THSD7A: variants seen among roughly 807,000 people sequenced by gnomAD.
The protein encoded by THSD7A is thrombospondin type-1 domain-containing protein 7A.
A neutral mutation model predicts 231.3 loss-of-function variants in THSD7A; 96 were observed. That is an observed-to-expected ratio of 0.41 (90% CI 0.35 to 0.49). THSD7A has a LOEUF of 0.49. Among genes scored for constraint, THSD7A ranks in the 20% least tolerant of loss-of-function variants. The pLI is 0.05. For synonymous variants in THSD7A, 940 were observed against 743.3 expected (o/e 1.26, Z -4.30); for missense variants, 2,290 against 2,070.2 (o/e 1.11, Z -2.06).
intron 1 of THSD7A, among the ~76,000 whole-genome samples, chr7:11,782,254 A>G (rs1783655009): frequency 6.6e-6 from 1 of 152,210 alleles, no homozygotes; most frequent in Admixed American, 6.5e-5. Flanking sequence ...CTGATTAAAA[A>G]GTCTGAGGCC....
intron 1 of THSD7A, among the ~76,000 whole-genome samples, chr7:11,787,192 C>G (rs1317941570): frequency 2.0e-5 from 3 of 151,980 alleles, no homozygotes; most frequent in Non-Finnish European, 4.4e-5. Flanking sequence ...CATGTTGGAA[C>G]AACTGGACTT....
intron 1 of THSD7A, among the ~76,000 whole-genome samples, chr7:11,760,581 T>C (rs1212746132): frequency 6.6e-6 from 1 of 152,018 alleles, no homozygotes; most frequent in Admixed American, 6.6e-5. Flanking sequence ...AACACCAGCC[T>C]CACAGGATGC....
rs1782129043 is a variant in THSD7A at position 11,373,225 on chromosome 7, A to G, written c.*2569T>C. On this transcript the variant is annotated 3_prime_UTR_variant, in exon 28 of 28. Coordinates refer to ENST00000423059, the MANE Select transcript of THSD7A (RefSeq NM_015204.3). ...ATCTTTTCTGAATTAATGACATTTT[A>G]CAATACCTTAAATATAGCTTTAGTA... The G allele has an allele frequency of 1.3e-5, 2 of 152,078 alleles. No individual in the cohort carries two copies. The highest frequency in any genetic ancestry group is 2.9e-5 in the Non-Finnish European group (2 of 67,970). 9.4% of individuals were successfully genotyped at this position (152,078 alleles called of 1,614,324 possible).
chr7:11,522,751 GT>G (rs2128316774), intron 6 of THSD7A, among the ~76,000 whole-genome samples: 1 of 152,156 alleles, frequency 6.6e-6, no homozygotes, highest in South Asian at 2.1e-4. Flanking sequence ...TTTCACTTTT[GT>G]TATGGGAAAA....
At chr7:11,566,344 G>C (rs912806799) in intron 4 of THSD7A, among the ~76,000 whole-genome samples, 4 of 152,208 alleles carry the variant, frequency 2.6e-5, no homozygotes, top group Non-Finnish European at 5.9e-5. Context: ...TAAGGAAGCA[G>C]ATTCCTGGGT....
chr7:11,472,048 T>C (rs1249256525), intron 8 of THSD7A, among the ~76,000 whole-genome samples: 1 of 152,136 alleles, frequency 6.6e-6, no homozygotes, highest in African/African-American at 2.4e-5. Flanking sequence ...CACAGCAAGA[T>C]ACTTGGCTGA....
rs943230265 is a variant in THSD7A at position 11,487,142 on chromosome 7, T to C, written c.1823-5160A>G. The stretch of plus-strand genomic sequence containing the variant: ...ACATTTTAAAGTCACCCCTAAACGT[T>C]CCCTTGTTTGGTCTATTTTCATGAA... On this transcript the variant is annotated intron_variant, in intron 6 of 27. Transcript: ENST00000423059. Among the ~76,000 whole-genome samples, 15 of 152,178 alleles carry C rather than the reference T, an allele frequency of 9.9e-5. 1 individual carries two copies. The highest frequency in any genetic ancestry group is 1.3e-4 in the Non-Finnish European group (9 of 68,024).
chr7:11,690,785 T>C (rs1780208458), intron 1 of THSD7A, among the ~76,000 whole-genome samples: 1 of 151,764 alleles, frequency 6.6e-6, no homozygotes, highest in South Asian at 2.1e-4. Flanking sequence ...AAACATTTAT[T>C]TATGCTAATA....
At chr7:11,465,855 A>G (rs1483371899) in intron 9 of THSD7A, among the ~76,000 whole-genome samples, 1 of 152,160 alleles carries the variant, frequency 6.6e-6, no homozygotes, top group African/African-American at 2.4e-5. Flanking sequence ...TTAAAATTAG[A>G]GGTACAAATA....
chr7:11,376,647 T>C lies in THSD7A; in HGVS notation c.4812A>G (p.Leu1604=), dbSNP rs1283722519. ...FLQPFGPDGR[L]KTWVYGVAAG... ...CTGCTACACCGTAAACCCAGGTCTT[T>C]AGTCTCCCATCTAAGAAGAATGGAT... The change falls in exon 27 of 28, where the codon CTA becomes CTG. Residue 1604 remains leucine, a synonymous_variant. Coordinates refer to ENST00000423059, the MANE Select transcript of THSD7A (RefSeq NM_015204.3). 1.3e-6 allele frequency: 2 copies of C among 1,576,442 alleles called. No homozygotes were observed. The highest frequency in any genetic ancestry group is 1.7e-6 in the Non-Finnish European group (2 of 1,160,020).
rs34415355 is a variant in THSD7A at position 11,459,665 on chromosome 7, ATTTTTTTTTTTTTTTTTT to A, written c.2605+979_2605+996del. On this transcript the variant is annotated intron_variant, in intron 11 of 27. Transcript: ENST00000423059. ...AAAAGGAAGATTATAAAAACAGGGG[ATTTTTTTTTTTTTTTTTT>A]TTTTTTTTTTTTTTTTTTACAAAAC... Among the ~76,000 whole-genome samples, 62 of 39,928 alleles carry A rather than the reference ATTTTTTTTTTTTTTTTTT, an allele frequency of 1.6e-3. 2 individuals are homozygous for A. The highest frequency in any genetic ancestry group is 7.5e-3 in the East Asian group (7 of 930). 26.2% of individuals were successfully genotyped at this position (39,928 alleles called of 152,430 possible). A position where few individuals can be genotyped will look rare whatever the true frequency, so the allele number is the denominator to read the frequency against.
At position 11,375,365 on chromosome 7, in the gene THSD7A, T is replaced by G. The variant is rs929173206; in HGVS notation, c.*429A>C. The G allele has an allele frequency of 6.4e-6, 1 of 155,616 alleles. No individual in the cohort carries two copies. The highest frequency in any genetic ancestry group is 1.4e-5 in the Non-Finnish European group (1 of 70,468). The allele number at this position is 155,616 out of a possible 1,614,324, so 9.6% of individuals were successfully genotyped here. ...ACATAATGTGTGTCATTCAACTGAGTACACATGTTAATTTGACCATAGTAT... is the reference window on the plus strand; with the variant it reads ...ACATAATGTGTGTCATTCAACTGAGGACACATGTTAATTTGACCATAGTAT... On this transcript the variant is annotated 3_prime_UTR_variant, in exon 28 of 28. Transcript: ENST00000423059.
chr7:11,766,851 T>C (rs1439969621), intron 1 of THSD7A, among the ~76,000 whole-genome samples: 1 of 152,068 alleles, frequency 6.6e-6, no homozygotes. Flanking sequence ...ACCACAAAGC[T>C]AAAAAGGACA....
At chr7:11,809,629 A>T (rs550729685) in intron 1 of THSD7A, among the ~76,000 whole-genome samples, 9 of 152,292 alleles carry the variant, frequency 5.9e-5, no homozygotes, top group African/African-American at 1.4e-4. Context: ...TAAATATTTC[A>T]GTAAGCATTA....
chr7:11,490,940 C>T (rs1453430176), intron 6 of THSD7A, among the ~76,000 whole-genome samples: 1 of 152,056 alleles, frequency 6.6e-6, no homozygotes, highest in Admixed American at 6.6e-5. Flanking sequence ...AATATGACAG[C>T]AGCATGAGGC....
At chr7:11,471,165 T>C (rs558455598) in intron 8 of THSD7A, among the ~76,000 whole-genome samples, 1 of 151,900 alleles carries the variant, frequency 6.6e-6, no homozygotes, top group African/African-American at 2.4e-5. Flanking sequence ...AAGTAACAAA[T>C]AACTTATTCT....
chr7:11,729,037 C>G (rs1781636981), intron 1 of THSD7A, among the ~76,000 whole-genome samples: 1 of 151,386 alleles, frequency 6.6e-6, no homozygotes, highest in Non-Finnish European at 1.5e-5. Context: ...TTCTTCTGCC[C>G]TGGTCAAAAA....
intron 1 of THSD7A, among the ~76,000 whole-genome samples, chr7:11,829,577 G>C (rs1211226758): frequency 6.6e-6 from 1 of 151,946 alleles, no homozygotes; most frequent in African/African-American, 2.4e-5. Context: ...TCTGTACCAA[G>C]ACCAAGCTTA....
intron 1 of THSD7A, among the ~76,000 whole-genome samples, chr7:11,764,569 C>CAAA (rs11423096): frequency 1.5e-4 from 16 of 106,308 alleles, no homozygotes; most frequent in African/African-American, 4.9e-4. Context: ...GACTCCGTCT[C>CAAA]AAAAAAAAAA....
Sources: allele counts gnomAD v4.1 joint callset (sites outside exome capture counted in the v4.1 genomes callset), GRCh38; gene constraint gnomAD v4.1.1; transcripts MANE v1.5; gene names NCBI Gene and HGNC (gene_info 2026-07-23, HGNC 2026-07-21).